Variants in GANC observed in about 807,000 individuals in gnomAD.
GANC encodes neutral alpha-glucosidase C.
Under a neutral mutation model 124.2 loss-of-function variants are expected in GANC, and 117 were observed. The observed-to-expected ratio is 0.94, with a 90% CI of 0.81 to 1.10. GANC has a LOEUF of 1.10. Ranked by LOEUF, GANC falls within the 50% of genes least tolerant of loss-of-function variation. The pLI, the probability that GANC is intolerant of heterozygous loss-of-function variation, is 0.00. For synonymous variants in GANC, 377 were observed against 376.8 expected (o/e 1.00, Z -0.01); for missense variants, 1,140 against 1,095.0 (o/e 1.04, Z -0.58).
In GANC at chr15:42,292,925, T is replaced by C. The variant is rs1489132521; in HGVS notation, c.512+8T>C. 6.2e-7 allele frequency: 1 copy of C among 1,612,352 alleles called. No homozygotes were observed. The highest frequency in any genetic ancestry group is 8.5e-7 in the Non-Finnish European group (1 of 1,178,602). ...GATTCTTCACAAACAAAGGTATTCT[T>C]ATGCATTACTTGACACATAAAGACC... On this transcript the variant is annotated splice_region_variant and intron_variant, in intron 5 of 23. Transcript: ENST00000318010.
At chr15:42,344,658 T>C (rs1022206590) in intron 19 of GANC, 3 of 152,222 alleles carry the variant, frequency 2.0e-5, no homozygotes, top group Non-Finnish European at 4.4e-5. Flanking sequence ...CTATGGTCTA[T>C]TCTCTTGGTT....
At chr15:42,332,865 A>C (rs1411520549) in intron 15 of GANC, among the ~76,000 whole-genome samples, 1 of 149,680 alleles carries the variant, frequency 6.7e-6, no homozygotes, top group Non-Finnish European at 1.5e-5. Flanking sequence ...AAAAAAAAAA[A>C]AAAAAATAGC....
chr15:42,321,474 A>G lies in GANC; in HGVS notation c.1058-311A>G, dbSNP rs763772194. Among the ~76,000 whole-genome samples the G allele has an allele frequency of 7.9e-5, 12 of 152,278 alleles. No individual in the cohort carries two copies. In the South Asian group the frequency reaches 1.0e-3, roughly 13 times the overall value. On this transcript the variant is annotated intron_variant, in intron 10 of 23. Coordinates refer to ENST00000318010, the MANE Select transcript of GANC (RefSeq NM_198141.3). Reference sequence around the variant, plus strand: ...CTCTACAAGGTCCAAACCAGGTTTTATCTCCTCTGTGAAGCCTTTCAAGAC... The same window carrying G: ...CTCTACAAGGTCCAAACCAGGTTTTGTCTCCTCTGTGAAGCCTTTCAAGAC...
At chr15:42,334,473 T>G (rs916734822) in intron 15 of GANC, among the ~76,000 whole-genome samples, 1 of 152,156 alleles carries the variant, frequency 6.6e-6, no homozygotes, top group Admixed American at 6.6e-5. Context: ...GTAGAAAATC[T>G]TTATGGCTTT....
chr15:42,349,618 G>C, intron 22 of GANC, 123 bp downstream of exon 22: 1 of 649,962 alleles, frequency 1.5e-6, no homozygotes, highest in Non-Finnish European at 2.7e-6. Context: ...GGTGAAGGCC[G>C]TTTCCGGAAT....
chr15:42,307,207 T>G (rs8029827), intron 7 of GANC, among the ~76,000 whole-genome samples: 12 of 152,220 alleles, frequency 7.9e-5, no homozygotes, highest in Non-Finnish European at 1.8e-4. Context: ...TCTAACACCT[T>G]TAAAATTCCC....
intron 4 of GANC, among the ~76,000 whole-genome samples, chr15:42,292,295 C>T (rs757141524): frequency 2.0e-5 from 3 of 151,650 alleles, no homozygotes; most frequent in Non-Finnish European, 2.9e-5. Flanking sequence ...TTAGATTTTA[C>T]ACACCAAAAT....
chr15:42,335,250 C>T (rs2052275361), intron 15 of GANC, among the ~76,000 whole-genome samples: 1 of 152,072 alleles, frequency 6.6e-6, no homozygotes, highest in East Asian at 1.9e-4. Flanking sequence ...AGCAGCACAT[C>T]AAAAAGCTTA....
chr15:42,321,897 T>G lies in GANC; in HGVS notation c.1170T>G (p.Ile390Met). The part of the protein sequence containing the change: ...AVDAGFDEHD[I>M]PYDAMWLDIE... ...ATGCAGGGTTTGATGAGCATGACATTCCTTATGATGCCATGTGGCTGGACA... is the reference window on the plus strand; with the variant it reads ...ATGCAGGGTTTGATGAGCATGACATGCCTTATGATGCCATGTGGCTGGACA... The change falls in exon 11 of 24, where the codon ATT (isoleucine) becomes ATG (methionine). Residue 390 changes from isoleucine (I) to methionine (M), a missense_variant. Physicochemically the swap from Ile to Met is conservative, Grantham distance 10 (BLOSUM62 1). Coordinates refer to ENST00000318010, the MANE Select transcript of GANC (RefSeq NM_198141.3). 6.2e-7 allele frequency: 1 copy of G among 1,614,184 alleles called. No individual in the cohort carries two copies. The highest frequency in any genetic ancestry group is 8.5e-7 in the Non-Finnish European group (1 of 1,180,012).
chr15:42,276,306 G>T, intron 1 of GANC, 42 bp from the exon 2 acceptor site: 1 of 952,142 alleles, frequency 1.1e-6, no homozygotes. Context: ...GGATTCACAA[G>T]CCCTGTGTGA....
Position 42,314,236 on chromosome 15 carries a change from C to T in GANC, c.1057+3390C>T, listed in dbSNP as rs1164096781. ...GTTCCTCTTTAAAGCACCTGAAGCA[C>T]GTAGCTACCCAGCATGGAATTTAAA... On this transcript the variant is annotated intron_variant, in intron 10 of 23. Coordinates refer to ENST00000318010, the MANE Select transcript of GANC (RefSeq NM_198141.3). The T allele has an allele frequency of 2.5e-5, 18 of 713,700 alleles. No individual in the cohort carries two copies. In the East Asian group the frequency reaches 3.3e-4, roughly 13 times the overall value. 44.2% of individuals were successfully genotyped at this position (713,700 alleles called of 1,614,324 possible). A position where few individuals can be genotyped will look rare whatever the true frequency, so the allele number is the denominator to read the frequency against.
At chr15:42,310,638 G>A (rs1450005271) in intron 9 of GANC, 55 bp from the exon 10 acceptor site, 2 of 1,580,306 alleles carry the variant, frequency 1.3e-6, no homozygotes, top group Non-Finnish European at 1.7e-6. Context: ...ATATGTGGCT[G>A]GATGTTGCAG....
intron 6 of GANC, among the ~76,000 whole-genome samples, chr15:42,305,783 G>A (rs988375644): frequency 8.5e-5 from 13 of 152,156 alleles, no homozygotes; most frequent in African/African-American, 2.9e-4. Context: ...ATGAGTTCAT[G>A]TCCTTTGCAG....
At chr15:42,285,111 A>G (rs1237371186) in intron 3 of GANC, among the ~76,000 whole-genome samples, 2 of 152,264 alleles carry the variant, frequency 1.3e-5, no homozygotes, top group Non-Finnish European at 2.9e-5. Context: ...TAGGAAAGGA[A>G]TATCTACAAA....
intron 5 of GANC, among the ~76,000 whole-genome samples, chr15:42,293,528 C>CTTTTTTTTTTTTTTTT (rs1566951280): frequency 3.3e-5 from 5 of 151,810 alleles, no homozygotes; most frequent in African/African-American, 1.2e-4. Flanking sequence ...CAACTCATTT[C>CTTTTTTTTTTTTTTTT]TGTTTTAAAA....
rs771348892 is a variant in GANC, at chr15:42,345,874, A to G, written c.2304+42A>G. On this transcript the variant is annotated intron_variant, in intron 20 of 23. Transcript: ENST00000318010. ...CTACTATTTTTACCTATCATGCTCT[A>G]TTGGTCGGCTAGGGCTGCCATGACA... is the stretch of plus-strand genomic sequence containing the variant. The G allele has an allele frequency of 5.8e-6, 8 of 1,388,612 alleles. No individual in the cohort carries two copies. The Middle Eastern group carries it at 5.4e-4, about 93-fold the overall frequency. 86.0% of individuals were successfully genotyped at this position (1,388,612 alleles called of 1,614,324 possible). A position where few individuals can be genotyped will look rare whatever the true frequency, so the allele number is the denominator to read the frequency against.
intron 3 of GANC, among the ~76,000 whole-genome samples, chr15:42,284,897 A>G (rs1435388337): frequency 6.6e-6 from 1 of 152,196 alleles, no homozygotes; most frequent in Admixed American, 6.5e-5. Context: ...TTCATTTTAC[A>G]TAAATTGACC....
intron 6 of GANC, among the ~76,000 whole-genome samples, chr15:42,299,249 G>A (rs572397450): frequency 1.3e-5 from 2 of 152,146 alleles, no homozygotes; most frequent in African/African-American, 4.8e-5. Context: ...TCAATATGTA[G>A]TTTATTGAGA....
Position 42,352,149 on chromosome 15 carries a change from G to A in GANC, c.*10G>A. On this transcript the variant is annotated 3_prime_UTR_variant, in exon 24 of 24. Coordinates refer to ENST00000318010, the MANE Select transcript of GANC (RefSeq NM_198141.3). ...GGTCCGCATCATATGACAAAGAACT[G>A]CCCCTGGTGATGTGAGCAGGGACCT... The A allele has an allele frequency of 6.2e-7, 1 of 1,614,024 alleles. No individual in the cohort carries two copies. Among genetic ancestry groups the A allele is most frequent in the Non-Finnish European group, 8.5e-7 (1 of 1,179,952 alleles).
Sources: allele counts gnomAD v4.1 joint callset (sites outside exome capture counted in the v4.1 genomes callset), GRCh38; gene constraint gnomAD v4.1.1; transcripts MANE v1.5; gene names NCBI Gene and HGNC (gene_info 2026-07-23, HGNC 2026-07-21).